The following THEMIS variants were observed in gnomAD, a reference collection of about 807,000 sequenced individuals.
The protein encoded by THEMIS is protein THEMIS.
A neutral mutation model predicts 52.6 loss-of-function variants in THEMIS; 37 were observed. The observed-to-expected ratio is 0.70, with a 90% CI of 0.54 to 0.93. The LOEUF (loss-of-function observed/expected upper bound fraction) is 0.93. THEMIS is among the 40% of genes least tolerant of loss of function. The probability of loss-of-function intolerance (pLI) is 0.00; values close to 1 mark genes in which losing one functional copy is unlikely to be tolerated. For missense variants in THEMIS, 808 were observed against 763.1 expected (o/e 1.06, Z -0.69); for synonymous variants, 292 against 272.7 (o/e 1.07, Z -0.70).
intron 4 of THEMIS, among the ~76,000 whole-genome samples, chr6:127,763,785 AT>A (rs1266652100): frequency 6.6e-6 from 1 of 152,024 alleles, no homozygotes; most frequent in Non-Finnish European, 1.5e-5. Context: ...ATAATTTTAC[AT>A]TGATTACATG....
At chr6:127,762,757 A>G (rs2114395274) in intron 4 of THEMIS, among the ~76,000 whole-genome samples, 1 of 152,238 alleles carries the variant, frequency 6.6e-6, no homozygotes, top group East Asian at 1.9e-4. Context: ...ACTGAAAACT[A>G]TAATTAGCCT....
At chr6:127,719,495 CTAT>C (rs1774287004) in intron 5 of THEMIS, among the ~76,000 whole-genome samples, 190 bp downstream of exon 5, 1 of 151,888 alleles carries the variant, frequency 6.6e-6, no homozygotes, top group Non-Finnish European at 1.5e-5. Context: ...ATAAACATTA[CTAT>C]TATTATTGTG....
intron 4 of THEMIS, among the ~76,000 whole-genome samples, chr6:127,756,489 T>C (rs1289115308): frequency 6.6e-6 from 1 of 152,150 alleles, no homozygotes; most frequent in Non-Finnish European, 1.5e-5. Context: ...AAAAAACCAT[T>C]ACAGAAACCA....
intron 1 of THEMIS, among the ~76,000 whole-genome samples, chr6:127,911,427 AT>A (rs1781408900): frequency 6.6e-6 from 1 of 151,014 alleles, no homozygotes; most frequent in African/African-American, 2.5e-5. Context: ...TATTATATAT[AT>A]CCATGAATAT....
chr6:127,760,562 A>G (rs933550578), intron 4 of THEMIS, among the ~76,000 whole-genome samples: 2 of 152,060 alleles, frequency 1.3e-5, no homozygotes, highest in African/African-American at 4.8e-5. Flanking sequence ...GGGTGGGAGG[A>G]CTACTTGAGG....
At chr6:127,904,955 A>ACT (rs141351259), upstream of THEMIS, among the ~76,000 whole-genome samples, 2 of 150,840 alleles carry the variant, frequency 1.3e-5, no homozygotes, top group Non-Finnish European at 3.0e-5. Context: ...TTTCTCTCTC[A>ACT]CTCTCTCTCT....
intron 1 of THEMIS, among the ~76,000 whole-genome samples, chr6:127,858,953 A>T (rs189482239): frequency 4.6e-5 from 7 of 152,224 alleles, no homozygotes; most frequent in Non-Finnish European, 1.0e-4. Context: ...TTGCTCAATA[A>T]AAACGACACA....
intron 4 of THEMIS, among the ~76,000 whole-genome samples, chr6:127,756,863 A>G (rs967509573): frequency 6.6e-6 from 1 of 152,208 alleles, no homozygotes; most frequent in African/African-American, 2.4e-5. Context: ...TGACTTTTCA[A>G]TTTATATATT....
chr6:127,856,520 T>G (rs1029243855), intron 1 of THEMIS, among the ~76,000 whole-genome samples: 2 of 151,966 alleles, frequency 1.3e-5, no homozygotes, highest in Non-Finnish European at 2.9e-5. Context: ...AGCGAGCTAC[T>G]AATGTCCCCA....
chr6:127,872,866 C>T (rs1285969976), intron 1 of THEMIS, among the ~76,000 whole-genome samples: 1 of 152,044 alleles, frequency 6.6e-6, no homozygotes, highest in African/African-American at 2.4e-5. Context: ...TTCCAAATGA[C>T]ATAATTATCT....
upstream of THEMIS, among the ~76,000 whole-genome samples, chr6:127,904,094 G>A (rs1257598991): frequency 6.6e-6 from 1 of 152,072 alleles, no homozygotes; most frequent in Admixed American, 6.6e-5. Context: ...CTCAGGAGGA[G>A]AGAACCTGAG....
chr6:127,862,708 C>A (rs952236492), intron 1 of THEMIS, among the ~76,000 whole-genome samples: 1 of 151,958 alleles, frequency 6.6e-6, no homozygotes, highest in African/African-American at 2.4e-5. Context: ...GTGTCAGCCA[C>A]CCCACCCAGC....
At chr6:127,727,836 C>A (rs904794547) in intron 4 of THEMIS, among the ~76,000 whole-genome samples, 1 of 152,096 alleles carries the variant, frequency 6.6e-6, no homozygotes, top group Non-Finnish European at 1.5e-5. Context: ...TGCTTTCTAT[C>A]TCCTCAGCTC....
At chr6:127,703,861 G>T (rs1251136249), downstream of THEMIS, among the ~76,000 whole-genome samples, 2 of 152,084 alleles carry the variant, frequency 1.3e-5, no homozygotes, top group Admixed American at 6.5e-5. Flanking sequence ...AATTTATAAA[G>T]AACAGAAATT....
chr6:127,906,455 A>C (rs1019321536), intron 1 of THEMIS, among the ~76,000 whole-genome samples: 5 of 151,970 alleles, frequency 3.3e-5, no homozygotes, highest in African/African-American at 1.2e-4. Context: ...TTAATGGTGC[A>C]ATGTTTAGTC....
chr6:127,795,074 A>G (rs1777281950), intron 4 of THEMIS, among the ~76,000 whole-genome samples: 1 of 152,342 alleles, frequency 6.6e-6, no homozygotes, highest in African/African-American at 2.4e-5. Context: ...ATTCTGTACC[A>G]TAGACAGTTC....
the THEMIS span, among the ~76,000 whole-genome samples, chr6:127,697,860 C>T: frequency 6.6e-6 from 1 of 152,066 alleles, no homozygotes; most frequent in Non-Finnish European, 1.5e-5. Flanking sequence ...ATCCATTCTA[C>T]TATATATTTT....
intron 2 of THEMIS, among the ~76,000 whole-genome samples, chr6:127,832,820 G>A (rs964081770): frequency 1.1e-5 from 1 of 93,044 alleles, no homozygotes; most frequent in African/African-American, 4.6e-5. Context: ...GTCTTGCTCT[G>A]TCTCCCAGGC....
At chr6:127,812,694 A>T (rs1777950655) in intron 4 of THEMIS, among the ~76,000 whole-genome samples, 189 bp downstream of exon 4, 2 of 152,234 alleles carry the variant, frequency 1.3e-5, no homozygotes, top group Admixed American at 1.3e-4. Context: ...TTCATGCCAC[A>T]TCAAAATATA....
Sources: gnomAD v4.1 joint callset for allele counts (sites outside exome capture counted in the v4.1 genomes callset) on GRCh38, gnomAD v4.1.1 for gene constraint, MANE v1.5 for transcripts, NCBI Gene and HGNC (gene_info 2026-07-23, HGNC 2026-07-21) for gene names.